The following CYFIP2 variants were observed in gnomAD, a reference collection of about 807,000 sequenced individuals.
CYFIP2 encodes the protein cytoplasmic FMR1 interacting protein 2, also known as cytoplasmic FMR1-interacting protein 2.
A neutral mutation model predicts 158.7 loss-of-function variants in CYFIP2; 29 were observed. The observed-to-expected ratio is 0.18, with a 90% CI of 0.14 to 0.25. CYFIP2 has a LOEUF of 0.25. Among genes scored for constraint, CYFIP2 ranks in the 10% least tolerant of loss-of-function variants. CYFIP2 has a pLI of 1.00. For missense variants in CYFIP2, 852 were observed against 1,639.5 expected (o/e 0.52, Z 8.29); for synonymous variants, 585 against 617.6 (o/e 0.95, Z 0.78).
rs1287608381 is a variant in CYFIP2 at position 157,325,647 on chromosome 5, C to G, written c.1982+9C>G. 5.0e-6 allele frequency: 8 copies of G among 1,591,206 alleles called. No individual in the cohort carries two copies. Among genetic ancestry groups the G allele is most frequent in the Non-Finnish European group, 6.0e-6 (7 of 1,167,804 alleles). ...GAACCTTCCATGATGGAGTAAGAGG[C>G]AGGATTGGGCCAGCAAGTGGCTCCT... On this transcript the variant is annotated intron_variant, in intron 17 of 30. Coordinates refer to ENST00000620254, the MANE Select transcript of CYFIP2 (RefSeq NM_001037333.3).
intron 10 of CYFIP2, among the ~76,000 whole-genome samples, chr5:157,310,614 G>A (rs1759633147): frequency 6.6e-6 from 1 of 152,236 alleles, no homozygotes; most frequent in South Asian, 2.1e-4. Flanking sequence ...AGCAGGGAAT[G>A]GAGAATGCTG....
At position 157,309,072 on chromosome 5, in the gene CYFIP2, T is replaced by C. The variant is rs190153326; in HGVS notation, c.901-671T>C. ...CTGGCTTCTTGACTTCTAGCTGGTCTGACTTTATGAAAAATCACTTAAGCT... is the reference window on the plus strand; with the variant it reads ...CTGGCTTCTTGACTTCTAGCTGGTCCGACTTTATGAAAAATCACTTAAGCT... On this transcript the variant is annotated intron_variant, in intron 9 of 30. Transcript: ENST00000620254. 2.1e-3 allele frequency among the ~76,000 whole-genome samples: 324 copies of C among 152,358 alleles called. 1 individual carries two copies. Among genetic ancestry groups the C allele is most frequent in the African/African-American group, 7.1e-3 (297 of 41,594 alleles).
intron 23 of CYFIP2, chr5:157,343,389 G>A: frequency 1.2e-6 from 2 of 1,614,198 alleles, no homozygotes; most frequent in Admixed American, 1.7e-5. Flanking sequence ...TTCTCCTCGT[G>A]GTGGAAGCTG....
At chr5:157,273,855 G>A (rs976317179) in intron 1 of CYFIP2, among the ~76,000 whole-genome samples, 1 of 152,016 alleles carries the variant, frequency 6.6e-6, no homozygotes, top group African/African-American at 2.4e-5. Context: ...ATAGTTCAGG[G>A]CAGGCATGGT....
intron 30 of CYFIP2, among the ~76,000 whole-genome samples, chr5:157,391,463 C>G (rs1341890746): frequency 6.6e-6 from 1 of 152,156 alleles, no homozygotes; most frequent in Non-Finnish European, 1.5e-5. Flanking sequence ...TTCTCCCCAG[C>G]CCCTGGTAAC....
In CYFIP2 at chr5:157,311,867, G is replaced by T. The variant is rs925927516; in HGVS notation, c.1110+86G>T. 1.6e-6 allele frequency: 2 copies of T among 1,255,876 alleles called. No individual in the cohort carries two copies. The highest frequency in any genetic ancestry group is 2.3e-6 in the Non-Finnish European group (2 of 887,126). The allele number at this position is 1,255,876 out of a possible 1,614,324, so 77.8% of individuals were successfully genotyped here. ...CAGCCAGGAAAGAACATGGACCCAC[G>T]GAACACTGGAGAGTAGAAGGGAGGG... On this transcript the variant is annotated intron_variant, in intron 11 of 30. Transcript: ENST00000620254. This position sits in a 1 kb window ranked among gnomAD's most constrained non-coding sequence, Gnocchi z 4.7.
chr5:157,373,587 A>C (rs977596496), intron 26 of CYFIP2, among the ~76,000 whole-genome samples: 5 of 152,214 alleles, frequency 3.3e-5, no homozygotes, highest in Admixed American at 6.5e-5. Context: ...GAGGAGTAGG[A>C]TGATCATTTT....
chr5:157,384,049 A>G (rs1453369294), intron 28 of CYFIP2, among the ~76,000 whole-genome samples: 2 of 152,232 alleles, frequency 1.3e-5, no homozygotes, highest in Non-Finnish European at 2.9e-5. Context: ...CATGGTGGCA[A>G]CCTCTGAAGA....
chr5:157,279,685 C>G (rs2113828631), intron 1 of CYFIP2, among the ~76,000 whole-genome samples: 1 of 152,324 alleles, frequency 6.6e-6, no homozygotes, highest in South Asian at 2.1e-4. Context: ...TGAATGCCCG[C>G]CACTGAGAAT....
chr5:157,270,020 G>C (rs1429645615), intron 1 of CYFIP2, among the ~76,000 whole-genome samples: 2 of 152,242 alleles, frequency 1.3e-5, no homozygotes, highest in South Asian at 4.1e-4. Context: ...GTTTTGAGAA[G>C]GCAGAGCTTG....
At chr5:157,375,575 G>A (rs916724839) in intron 26 of CYFIP2, among the ~76,000 whole-genome samples, 14 of 151,946 alleles carry the variant, frequency 9.2e-5, no homozygotes, top group East Asian at 3.9e-4. Context: ...GGCCCAGGAC[G>A]GCTTTGAATG....
intron 23 of CYFIP2, among the ~76,000 whole-genome samples, chr5:157,358,546 T>C (rs1039864523): frequency 3.9e-5 from 6 of 152,220 alleles, no homozygotes; most frequent in Non-Finnish European, 8.8e-5. Flanking sequence ...CTGCCTGTCA[T>C]AGATGGAAAC....
chr5:157,354,320 G>A (rs1763268673), intron 23 of CYFIP2, among the ~76,000 whole-genome samples: 1 of 152,132 alleles, frequency 6.6e-6, no homozygotes, highest in Non-Finnish European at 1.5e-5. Flanking sequence ...GAGGCCCATT[G>A]ATTGGAACCT....
In CYFIP2 at chr5:157,323,911, C is replaced by T. The variant is rs1250847834; in HGVS notation, c.1672-10C>T. The stretch of plus-strand genomic sequence containing the variant: ...GCTTCTGACCTTCTCATCTTGCTTT[C>T]TTTTTCAAGCTGTACATGGTGCGGA... On this transcript the variant is annotated splice_polypyrimidine_tract_variant and intron_variant, in intron 15 of 30. Transcript: ENST00000620254. The T allele has an allele frequency of 6.5e-7, 1 of 1,546,620 alleles. No individual in the cohort carries two copies. Among genetic ancestry groups the T allele is most frequent in the Admixed American group, 2.0e-5 (1 of 49,932 alleles).
rs1347876212 is a variant in CYFIP2 at position 157,309,619 on chromosome 5, G to A, written c.901-124G>A. The A allele has an allele frequency of 3.7e-6, 3 of 803,448 alleles. No homozygotes were observed. In the South Asian group the frequency reaches 4.8e-5, roughly 13 times the overall value. 49.8% of individuals were successfully genotyped at this position (803,448 alleles called of 1,614,324 possible). ...GAGTCACATGGTAGCGTCATCGGAA[G>A]CAGAAACTAGGGGTCGGCCCCCAGG... On this transcript the variant is annotated intron_variant, in intron 9 of 30. Transcript: ENST00000620254.
In CYFIP2 at chr5:157,328,078, A is replaced by T. The variant is rs1292442691; in HGVS notation, c.2156+29A>T. The T allele has an allele frequency of 5.6e-6, 9 of 1,603,916 alleles. No homozygotes were observed. The African/African-American group carries it at 1.1e-4, about 19-fold the overall frequency. ...GGAAAGCCCCAGAGCTGTGAGTAGC[A>T]ATCTCTTAAGACTGCCACCTAGAAG... On this transcript the variant is annotated intron_variant, in intron 19 of 30. Coordinates refer to ENST00000620254, the MANE Select transcript of CYFIP2 (RefSeq NM_001037333.3).
At chr5:157,342,778 G>T in intron 23 of CYFIP2, 2 of 1,320,052 alleles carry the variant, frequency 1.5e-6, no homozygotes, top group Non-Finnish European at 2.1e-6. Flanking sequence ...GAGAGAAATG[G>T]GTAGTCTATA....
rs146770695 is a variant in CYFIP2 at position 157,271,917 on chromosome 5, C to T, written c.-24+5722C>T. On this transcript the variant is annotated intron_variant, in intron 1 of 30. Transcript: ENST00000620254. ...GAGGCAGCTCCTCTCCCCACATACG[C>T]GTCATGTTGGTGTTCCTCATATGAC... Among the ~76,000 whole-genome samples, 421 of 152,276 alleles carry T rather than the reference C, an allele frequency of 2.8e-3. 1 individual carries two copies. The highest frequency in any genetic ancestry group is 9.7e-3 in the African/African-American group (404 of 41,540).
At chr5:157,340,966 A>G (rs1762208707) in intron 22 of CYFIP2, 104 bp from the exon 23 acceptor site, 3 of 992,762 alleles carry the variant, frequency 3.0e-6, no homozygotes, top group Non-Finnish European at 3.2e-6. Context: ...CACTTGTACC[A>G]GTGCAAACCT....
Sources: gnomAD v4.1 joint callset for allele counts (sites outside exome capture counted in the v4.1 genomes callset) on GRCh38, gnomAD v4.1.1 for gene constraint, Gnocchi (gnomAD v3.1) non-coding constraint, MANE v1.5 for transcripts, NCBI Gene and HGNC (gene_info 2026-07-23, HGNC 2026-07-21) for gene names.